Variants in SKIC3 observed in about 807,000 individuals in gnomAD.
SKIC3 encodes SKI3 subunit of superkiller complex, also known as superkiller complex protein 3.
At chr5:95,512,349 CAAA>C in the SKIC3 span, 11 of 1,144,712 alleles carry the variant, frequency 9.6e-6, no homozygotes, top group Admixed American at 2.5e-4. Flanking sequence ...TTCGCTGTTG[CAAA>C]AAGAAGGCAA....
the SKIC3 span, among the ~76,000 whole-genome samples, chr5:95,472,803 T>C: frequency 1.4e-4 from 22 of 152,320 alleles, no homozygotes; most frequent in Admixed American, 5.9e-4. Context: ...GTTCCCATGT[T>C]TATGTTCACG....
At chr5:95,504,887 T>C in the SKIC3 span, among the ~76,000 whole-genome samples, 1 of 151,984 alleles carries the variant, frequency 6.6e-6, no homozygotes, top group East Asian at 1.9e-4. Context: ...TGCCTGTAAT[T>C]CCAGCTACTG....
the SKIC3 span, among the ~76,000 whole-genome samples, chr5:95,540,013 C>T: frequency 6.6e-6 from 1 of 152,052 alleles, no homozygotes; most frequent in South Asian, 2.1e-4. Context: ...CCCAAATGCC[C>T]ATCAATCAAT....
the SKIC3 span, among the ~76,000 whole-genome samples, chr5:95,507,815 T>G: frequency 6.6e-6 from 1 of 151,984 alleles, no homozygotes; most frequent in African/African-American, 2.4e-5. Flanking sequence ...AAAACAGCAG[T>G]GATGATCAGT....
At chr5:95,522,619 A>G in the SKIC3 span, among the ~76,000 whole-genome samples, 1 of 152,122 alleles carries the variant, frequency 6.6e-6, no homozygotes, top group Non-Finnish European at 1.5e-5. Flanking sequence ...AGTTTGTCAC[A>G]TCAGCCCATA....
the SKIC3 span, chr5:95,502,909 C>A: frequency 3.1e-6 from 5 of 1,613,916 alleles, no homozygotes; most frequent in Middle Eastern, 3.3e-4. Context: ...TGGCTACATC[C>A]GTTTTTCCTT....
chr5:95,552,459 A>G, the SKIC3 span, among the ~76,000 whole-genome samples: 661 of 152,356 alleles, frequency 4.3e-3, 4 homozygotes, highest in Admixed American at 7.4e-3. Context: ...CACTTACTGG[A>G]TAATACATAT....
the SKIC3 span, chr5:95,525,544 G>A: frequency 1.9e-6 from 3 of 1,613,662 alleles, no homozygotes; most frequent in Non-Finnish European, 1.7e-6. Flanking sequence ...AAATAAAAAT[G>A]CTTTTAACTC....
chr5:95,507,931 A>C, the SKIC3 span, among the ~76,000 whole-genome samples: 1 of 78,792 alleles, frequency 1.3e-5, no homozygotes, highest in East Asian at 3.0e-4. Flanking sequence ...GATACATACC[A>C]AAAAAAAAAA....
chr5:95,545,853 G>A, the SKIC3 span, among the ~76,000 whole-genome samples: 8 of 151,782 alleles, frequency 5.3e-5, no homozygotes, highest in Admixed American at 2.0e-4. Context: ...TTGATATCCC[G>A]TTGAACACTC....
the SKIC3 span, among the ~76,000 whole-genome samples, chr5:95,465,862 C>T: frequency 6.6e-6 from 1 of 152,144 alleles, no homozygotes. Flanking sequence ...ATACGAATAT[C>T]TTTGAAAAGA....
At chr5:95,509,584 TG>T in the SKIC3 span, 1 of 1,588,788 alleles carries the variant, frequency 6.3e-7, no homozygotes, top group African/African-American at 1.3e-5. Flanking sequence ...CACAATTAAA[TG>T]TAGTTTACCT....
chr5:95,524,566 T>A, the SKIC3 span: 1 of 1,613,680 alleles, frequency 6.2e-7, no homozygotes, highest in Admixed American at 1.7e-5. Context: ...GCAACTTCGG[T>A]ATCTTTCTCA....
the SKIC3 span, among the ~76,000 whole-genome samples, chr5:95,538,733 G>A: frequency 3.3e-5 from 5 of 152,032 alleles, no homozygotes; most frequent in African/African-American, 1.2e-4. Flanking sequence ...TTTAAAATCT[G>A]CACCATAAAG....
the SKIC3 span, chr5:95,540,725 T>C: frequency 6.2e-7 from 1 of 1,614,016 alleles, no homozygotes; most frequent in Non-Finnish European, 8.5e-7. Flanking sequence ...TCCTCTGTAC[T>C]TTCAGCCAGG....
chr5:95,526,504 C>T, the SKIC3 span, among the ~76,000 whole-genome samples: 4 of 151,716 alleles, frequency 2.6e-5, no homozygotes, highest in East Asian at 1.9e-4. Flanking sequence ...ACAAGAGTCT[C>T]GCTTCGATGC....
the SKIC3 span, among the ~76,000 whole-genome samples, chr5:95,533,195 C>G: frequency 6.6e-6 from 1 of 152,110 alleles, no homozygotes; most frequent in Admixed American, 6.5e-5. Context: ...AAGCCATTCA[C>G]TACTTGTTAC....
chr5:95,506,927 C>A, the SKIC3 span: 7 of 1,612,860 alleles, frequency 4.3e-6, no homozygotes, highest in Non-Finnish European at 4.2e-6. Context: ...AGAAAAAATA[C>A]GCTTACCATA....
chr5:95,502,165 G>A, the SKIC3 span, among the ~76,000 whole-genome samples: 1 of 152,082 alleles, frequency 6.6e-6, no homozygotes, highest in South Asian at 2.1e-4. Context: ...ATGTCACAAT[G>A]ACTGAGGAGT....
Sources: gnomAD v4.1 joint callset for allele counts (sites outside exome capture counted in the v4.1 genomes callset) on GRCh38, gnomAD v4.1.1 for gene constraint, MANE v1.5 for transcripts, NCBI Gene and HGNC (gene_info 2026-07-23, HGNC 2026-07-21) for gene names.